The following RSU1 variants were observed in gnomAD, a reference collection of about 807,000 sequenced individuals.
The protein encoded by RSU1 is rsu-1.
Under a neutral mutation model 31.1 loss-of-function variants are expected in RSU1, and 26 were observed. The ratio of observed to expected loss-of-function variants is 0.84; its 90% CI spans 0.61 to 1.16. The LOEUF (loss-of-function observed/expected upper bound fraction) is 1.16. Among genes scored for constraint, RSU1 ranks in the 50% most tolerant of loss-of-function variants. The probability of loss-of-function intolerance (pLI) is 0.00; values close to 1 mark genes in which losing one functional copy is unlikely to be tolerated. For synonymous variants in RSU1, 164 were observed against 136.3 expected (o/e 1.20, Z -1.41); for missense variants, 320 against 339.1 (o/e 0.94, Z 0.44).
At chr10:16,603,113 C>T (rs1833739802) in intron 8 of RSU1, among the ~76,000 whole-genome samples, 1 of 152,100 alleles carries the variant, frequency 6.6e-6, no homozygotes, top group Non-Finnish European at 1.5e-5. Context: ...GTGTGTCTGT[C>T]ACATTCTTCT....
intron 3 of RSU1, among the ~76,000 whole-genome samples, chr10:16,774,711 C>T (rs1373698702): frequency 6.6e-6 from 1 of 152,240 alleles, no homozygotes; most frequent in African/African-American, 2.4e-5. Context: ...ATGGGATCCA[C>T]AAGCCTCTGC....
intron 4 of RSU1, among the ~76,000 whole-genome samples, chr10:16,763,994 CG>C (rs747412775): frequency 6.6e-5 from 10 of 152,110 alleles, no homozygotes; most frequent in Non-Finnish European, 2.9e-5. Context: ...CTTCCCTCCA[CG>C]GCACGAAGGT....
At chr10:16,603,394 TTCA>T (rs1833746013) in intron 8 of RSU1, among the ~76,000 whole-genome samples, 1 of 152,224 alleles carries the variant, frequency 6.6e-6, no homozygotes, top group African/African-American at 2.4e-5. Context: ...CTCATTAAAC[TTCA>T]TCATCCTGTC....
intron 7 of RSU1, among the ~76,000 whole-genome samples, chr10:16,722,847 T>G (rs1337548375): frequency 1.9e-5 from 2 of 104,820 alleles, no homozygotes; most frequent in Admixed American, 1.1e-4. Flanking sequence ...TATGTATATA[T>G]ACACACATAT....
chr10:16,706,914 C>T (rs909971692), intron 7 of RSU1, among the ~76,000 whole-genome samples: 3 of 152,164 alleles, frequency 2.0e-5, no homozygotes, highest in Admixed American at 6.5e-5. Flanking sequence ...CTGGTAACCA[C>T]TATTCTACTT....
intron 8 of RSU1, among the ~76,000 whole-genome samples, chr10:16,653,128 A>G (rs941441810): frequency 6.6e-6 from 1 of 152,232 alleles, no homozygotes; most frequent in African/African-American, 2.4e-5. Context: ...ATCTTTCCAA[A>G]GGCTCTAACA....
intron 2 of RSU1, among the ~76,000 whole-genome samples, chr10:16,791,028 G>A (rs1035789199): frequency 6.6e-6 from 1 of 152,070 alleles, no homozygotes; most frequent in African/African-American, 2.4e-5. Context: ...TGGAAGGAGT[G>A]GTCAGTATTT....
chr10:16,752,919 A>G lies in RSU1; in HGVS notation c.482T>C (p.Ile161Thr). 4 of 1,612,972 alleles carry G rather than the reference A, an allele frequency of 2.5e-6. No homozygotes were observed. In the South Asian group the frequency reaches 4.4e-5, roughly 18 times the overall value. The change falls in exon 6 of 9, where the codon ATA (isoleucine) becomes ACA (threonine). Residue 161 changes from isoleucine to threonine, a missense_variant and splice_region_variant. Transcript: ENST00000345264. ...PDIGKLTKLQ[I>T]LSLRDNDLIS... is the part of the protein sequence containing the mutation. ...TAAGAATTTAGATAAATTACTTACTATCTGCAACTTTGTGAGCTTCCCAAT... is the reference window on the plus strand; with the variant it reads ...TAAGAATTTAGATAAATTACTTACTGTCTGCAACTTTGTGAGCTTCCCAAT...
At chr10:16,632,255 G>A (rs1037294193) in intron 8 of RSU1, among the ~76,000 whole-genome samples, 4 of 152,066 alleles carry the variant, frequency 2.6e-5, no homozygotes, top group African/African-American at 7.2e-5. Context: ...AGCAATAAAC[G>A]ATTTACCAGA....
At chr10:16,767,624 T>A (rs1837340474) in intron 3 of RSU1, among the ~76,000 whole-genome samples, 1 of 152,076 alleles carries the variant, frequency 6.6e-6, no homozygotes, top group Admixed American at 6.5e-5. Flanking sequence ...CCCCCAGCCA[T>A]AGTGAAAATC....
rs191845535 is a variant in RSU1, at chr10:16,645,310, T to G, written c.731+49713A>C. 2.4e-3 allele frequency among the ~76,000 whole-genome samples: 368 copies of G among 152,310 alleles called. 1 individual carries two copies. Among genetic ancestry groups the G allele is most frequent in the African/African-American group, 8.4e-3 (350 of 41,574 alleles). On this transcript the variant is annotated intron_variant, in intron 8 of 8. Transcript: ENST00000345264. ...GTGAGATTTAGTACCAAAGGTGGTT[T>G]TGTTTGTTTGCATGTTTCCCAAAAG... is the stretch of plus-strand genomic sequence containing the variant.
At chr10:16,617,277 A>T (rs1833993926) in intron 8 of RSU1, among the ~76,000 whole-genome samples, 1 of 152,204 alleles carries the variant, frequency 6.6e-6, no homozygotes, top group Non-Finnish European at 1.5e-5. Flanking sequence ...CCACCTTACA[A>T]GGGATGTGAA....
At position 16,690,534 on chromosome 10, in the gene RSU1, A is replaced by C. The variant is rs552037142; in HGVS notation, c.731+4489T>G. Among the ~76,000 whole-genome samples, 6 of 152,314 alleles carry C rather than the reference A, an allele frequency of 3.9e-5. No homozygotes were observed. In the South Asian group the frequency reaches 1.2e-3, roughly 32 times the overall value. The stretch of plus-strand genomic sequence containing the variant: ...CAGCCACACCCCTCCTGCTTAATGG[A>C]ACAAGTTCCCATCTTCATGAAGCTA... On this transcript the variant is annotated intron_variant, in intron 8 of 8. Coordinates refer to ENST00000345264, the MANE Select transcript of RSU1 (RefSeq NM_012425.4).
At chr10:16,772,499 G>A (rs1322435715) in intron 3 of RSU1, among the ~76,000 whole-genome samples, 1 of 152,064 alleles carries the variant, frequency 6.6e-6, no homozygotes, top group East Asian at 1.9e-4. Context: ...GGAGCTGGGA[G>A]GGAGAGGCAG....
chr10:16,794,544 T>C (rs1467989055), intron 2 of RSU1, among the ~76,000 whole-genome samples: 5 of 152,228 alleles, frequency 3.3e-5, no homozygotes, highest in African/African-American at 7.2e-5. Context: ...TTAGAAATCA[T>C]GGTTATAGAA....
At chr10:16,752,485 G>C (rs1181751332) in intron 7 of RSU1, 54 bp downstream of exon 7, 2 of 1,317,712 alleles carry the variant, frequency 1.5e-6, no homozygotes, top group East Asian at 2.3e-5. Context: ...TGCTACATTA[G>C]GATAATTGTT....
At chr10:16,637,436 A>G (rs1376204625) in intron 8 of RSU1, among the ~76,000 whole-genome samples, 1 of 151,430 alleles carries the variant, frequency 6.6e-6, no homozygotes, top group East Asian at 1.9e-4. Context: ...GTGCTAGTTT[A>G]TACTTGTCAT....
intron 8 of RSU1, among the ~76,000 whole-genome samples, chr10:16,649,606 C>T (rs1323186062): frequency 1.3e-5 from 2 of 152,154 alleles, no homozygotes; most frequent in African/African-American, 4.8e-5. Context: ...AAATCATTAT[C>T]TTCAATTTTC....
intron 7 of RSU1, among the ~76,000 whole-genome samples, chr10:16,749,340 G>T (rs1397015315): frequency 6.6e-6 from 1 of 152,134 alleles, no homozygotes; most frequent in Non-Finnish European, 1.5e-5. Flanking sequence ...ATCAGAACTC[G>T]CCTGGATTCT....
Sources: gnomAD v4.1 joint callset for allele counts (sites outside exome capture counted in the v4.1 genomes callset) on GRCh38, gnomAD v4.1.1 for gene constraint, MANE v1.5 for transcripts, NCBI Gene and HGNC (gene_info 2026-07-23, HGNC 2026-07-21) for gene names.